The following TTC39C variants were observed in gnomAD, a reference collection of about 807,000 sequenced individuals.
TTC39C encodes tetratricopeptide repeat protein 39C.
TTC39C carries 33 observed loss-of-function variants against 76.3 expected under a neutral mutation model. The ratio of observed to expected loss-of-function variants is 0.43; its 90% CI spans 0.33 to 0.58. The LOEUF (loss-of-function observed/expected upper bound fraction) is 0.58. Ranked by LOEUF, TTC39C falls within the 20% of genes least tolerant of loss-of-function variation. The pLI is 0.04. For synonymous variants in TTC39C, 254 were observed against 260.6 expected (o/e 0.97, Z 0.24); for missense variants, 595 against 701.4 (o/e 0.85, Z 1.71).
chr18:24,007,209 T>C (rs904971209), intron 1 of TTC39C, among the ~76,000 whole-genome samples: 3 of 152,204 alleles, frequency 2.0e-5, no homozygotes, highest in Non-Finnish European at 2.9e-5. Context: ...TATGTCCTTG[T>C]AAACAAGAGC....
intron 6 of TTC39C, among the ~76,000 whole-genome samples, chr18:24,089,886 G>C (rs1217106999): frequency 6.6e-6 from 1 of 152,072 alleles, no homozygotes; most frequent in Non-Finnish European, 1.5e-5. Flanking sequence ...GTGACAAGGA[G>C]ATCCTCTCAT....
Position 24,123,751 on chromosome 18 carries a change from T to G in TTC39C, c.1187-83T>G. 8.9e-6 allele frequency: 9 copies of G among 1,005,616 alleles called. No individual in the cohort carries two copies. The South Asian group carries it at 1.2e-4, about 13-fold the overall frequency. 62.3% of individuals were successfully genotyped at this position (1,005,616 alleles called of 1,614,324 possible). On this transcript the variant is annotated intron_variant, in intron 8 of 13. Coordinates refer to ENST00000317571, the MANE Select transcript of TTC39C (RefSeq NM_001135993.2). ...AACATATTTGCTCCTGCTTTTTTTT[T>G]TTTCAAGTATCATCACTTCAGGTAT...
chr18:24,057,897 GAC>G (rs1363543271), intron 1 of TTC39C, among the ~76,000 whole-genome samples: 1 of 152,170 alleles, frequency 6.6e-6, no homozygotes, highest in Non-Finnish European at 1.5e-5. Flanking sequence ...CAATAGCAAA[GAC>G]ATAGAGTCAA....
chr18:24,114,092 C>T (rs776690320), intron 6 of TTC39C: 16 of 265,544 alleles, frequency 6.0e-5, no homozygotes, highest in South Asian at 1.3e-4. Context: ...CAGGGCTGGG[C>T]GCACACGGGG....
chr18:24,081,978 A>G (rs2084380238), intron 5 of TTC39C, among the ~76,000 whole-genome samples: 1 of 148,718 alleles, frequency 6.7e-6, no homozygotes, highest in Non-Finnish European at 1.5e-5. Context: ...ACATAAAAAT[A>G]TTTGACATGT....
At chr18:24,060,313 G>GTTTTTTTTTTTTTTT (rs1294806136) in intron 1 of TTC39C, among the ~76,000 whole-genome samples, 1 of 89,242 alleles carries the variant, frequency 1.1e-5, no homozygotes, top group Non-Finnish European at 2.1e-5. Flanking sequence ...TTGCGTTTCT[G>GTTTTTTTTTTTTTTT]TTTTTTTTTT....
rs553597090 is a variant in TTC39C, at chr18:24,047,699, T to C, written c.168-16441T>C. On this transcript the variant is annotated intron_variant, in intron 1 of 13. Transcript: ENST00000317571. ...GTAACAACAGCAAAACCAACCAAAC[T>C]GACCTTTACTTATATATAGCTTACT... Among the ~76,000 whole-genome samples, 4 of 152,320 alleles carry C rather than the reference T, an allele frequency of 2.6e-5. No homozygotes were observed. In the South Asian group the frequency reaches 8.3e-4, roughly 32 times the overall value.
At chr18:24,067,951 C>G (rs1470698795) in intron 3 of TTC39C, among the ~76,000 whole-genome samples, 2 of 152,138 alleles carry the variant, frequency 1.3e-5, no homozygotes, top group African/African-American at 4.8e-5. Flanking sequence ...TTCTACGTGT[C>G]CTTTTCCTCA....
intron 1 of TTC39C, among the ~76,000 whole-genome samples, chr18:24,031,541 T>C (rs2083670991): frequency 6.6e-6 from 1 of 152,172 alleles, no homozygotes; most frequent in African/African-American, 2.4e-5. Flanking sequence ...TCTCTCACCT[T>C]TATTGTCTGC....
chr18:24,116,920 G>A (rs551130180), intron 7 of TTC39C, among the ~76,000 whole-genome samples: 2 of 144,500 alleles, frequency 1.4e-5, no homozygotes, highest in East Asian at 4.4e-4. Context: ...AGACCTCCCC[G>A]GCTCAGGTGA....
In TTC39C at chr18:24,092,116, A is replaced by T. The variant is rs1316777896; in HGVS notation, c.984+9035A>T. Among the ~76,000 whole-genome samples, 23 of 138,454 alleles carry T rather than the reference A, an allele frequency of 1.7e-4. 1 individual carries two copies. The highest frequency in any genetic ancestry group is 5.7e-4 in the African/African-American group (22 of 38,396). The allele number at this position is 138,454 out of a possible 152,430, so 90.8% of individuals were successfully genotyped here. On this transcript the variant is annotated intron_variant, in intron 6 of 13. Coordinates refer to ENST00000317571, the MANE Select transcript of TTC39C (RefSeq NM_001135993.2). ...TCAAAAAAAAAAAAAAAAAAAAAAAAAAAAAAAAATAATAATAATAGACAA... is the reference window on the plus strand; with the variant it reads ...TCAAAAAAAAAAAAAAAAAAAAAAATAAAAAAAAATAATAATAATAGACAA...
intron 6 of TTC39C, among the ~76,000 whole-genome samples, chr18:24,111,661 G>A (rs1052250046): frequency 1.3e-5 from 2 of 151,694 alleles, no homozygotes; most frequent in Non-Finnish European, 2.9e-5. Flanking sequence ...TTGGGAAGCC[G>A]AGGTGGAAGG....
intron 1 of TTC39C, among the ~76,000 whole-genome samples, chr18:24,040,255 G>A (rs188089494): frequency 6.6e-6 from 1 of 152,340 alleles, no homozygotes; most frequent in East Asian, 1.9e-4. Flanking sequence ...TGAGTTTGGT[G>A]ATGGATTTTT....
At chr18:24,013,678 G>A (rs1186060772), upstream of TTC39C, among the ~76,000 whole-genome samples, 3 of 152,214 alleles carry the variant, frequency 2.0e-5, no homozygotes, top group African/African-American at 7.2e-5. Flanking sequence ...TGGCATTAGA[G>A]CATAATCTTG....
intron 10 of TTC39C, among the ~76,000 whole-genome samples, chr18:24,128,598 G>A (rs922575122): frequency 3.3e-5 from 5 of 151,992 alleles, no homozygotes; most frequent in Admixed American, 3.3e-4. Context: ...TCTCTAACCT[G>A]TGTGTCCATC....
At chr18:24,001,832 T>TCTTTGG (rs1555763434) in intron 1 of TTC39C, among the ~76,000 whole-genome samples, 6 of 134,356 alleles carry the variant, frequency 4.5e-5, no homozygotes, top group Non-Finnish European at 9.3e-5. Context: ...TGTTTTTTTT[T>TCTTTGG]TTTTTTTTTT....
chr18:24,013,937 C>G (rs2145637659), upstream of TTC39C, among the ~76,000 whole-genome samples: 1 of 152,388 alleles, frequency 6.6e-6, no homozygotes, highest in East Asian at 1.9e-4. Flanking sequence ...ATAGAACACA[C>G]TTTGGCAGCT....
chr18:24,024,897 C>T (rs1340407884), intron 1 of TTC39C, among the ~76,000 whole-genome samples: 1 of 152,216 alleles, frequency 6.6e-6, no homozygotes, highest in African/African-American at 2.4e-5. Flanking sequence ...TTTTGACAGT[C>T]TCACTGTATC....
chr18:23,999,906 A>T (rs1353284643), intron 1 of TTC39C, among the ~76,000 whole-genome samples: 1 of 152,190 alleles, frequency 6.6e-6, no homozygotes, highest in Non-Finnish European at 1.5e-5. Flanking sequence ...AAGCCACAAA[A>T]ACTTACTTTA....
Sources: gnomAD v4.1 joint callset for allele counts (sites outside exome capture counted in the v4.1 genomes callset) on GRCh38, gnomAD v4.1.1 for gene constraint, MANE v1.5 for transcripts, NCBI Gene and HGNC (gene_info 2026-07-23, HGNC 2026-07-21) for gene names.